Variants in DHX57 observed in about 807,000 individuals in gnomAD.
DHX57 encodes putative ATP-dependent RNA helicase DHX57.
DHX57 carries 105 observed loss-of-function variants against 156.2 expected under a neutral mutation model. The ratio of observed to expected loss-of-function variants is 0.67; its 90% CI spans 0.57 to 0.79. The LOEUF (loss-of-function observed/expected upper bound fraction) is 0.79. DHX57 is among the 30% of genes least tolerant of loss of function. DHX57 has a pLI of 0.00. For missense variants in DHX57, 1,847 were observed against 1,661.9 expected, an observed-to-expected ratio of 1.11 and a Z score of -1.94; for synonymous variants, 704 against 595.6, an observed-to-expected ratio of 1.18 and a Z score of -2.65.
At position 38,803,784 on chromosome 2, in the gene DHX57, C is replaced by A. The variant is rs200787988; in HGVS notation, c.3817-869G>T. 2.4e-4 allele frequency among the ~76,000 whole-genome samples: 25 copies of A among 104,702 alleles called. No homozygotes were observed. In the East Asian group the frequency reaches 0.011, roughly 46 times the overall value. 68.7% of individuals were successfully genotyped at this position (104,702 alleles called of 152,430 possible). On this transcript the variant is annotated intron_variant, in intron 22 of 23. Transcript: ENST00000457308. ...GATTACAGGTGTGAGTCACCACACC[C>A]AGCCTTTTTTTTTTTGAGATGCAGT... is the stretch of plus-strand genomic sequence containing the variant.
intron 9 of DHX57, among the ~76,000 whole-genome samples, chr2:38,851,807 A>G (rs1213872243): frequency 6.6e-6 from 1 of 152,214 alleles, no homozygotes; most frequent in Non-Finnish European, 1.5e-5. Flanking sequence ...AATCATTTAA[A>G]TACCATTAAT....
At chr2:38,864,067 C>A (rs1226843297) in intron 2 of DHX57, among the ~76,000 whole-genome samples, 1 of 151,600 alleles carries the variant, frequency 6.6e-6, no homozygotes, top group Non-Finnish European at 1.5e-5. Flanking sequence ...TCTGGCTTCA[C>A]TAACTCAAGA....
chr2:38,856,343 G>C lies in DHX57; in HGVS notation c.1706C>G (p.Thr569Ser). 1 of 1,609,570 alleles carries C rather than the reference G, an allele frequency of 6.2e-7. No homozygotes were observed. Among genetic ancestry groups the C allele is most frequent in the Non-Finnish European group, 8.5e-7 (1 of 1,178,892 alleles). The change falls in exon 7 of 24, where the codon ACT becomes AGT. Residue 569 changes from threonine to serine, a missense_variant. Coordinates refer to ENST00000457308, the MANE Select transcript of DHX57 (RefSeq NM_198963.3). ...GATGAATAAACTGCATTCTTACCCAGTCATACCACTTATGACAACCACCTG... is the reference window on the plus strand; with the variant it reads ...GATGAATAAACTGCATTCTTACCCACTCATACCACTTATGACAACCACCTG... ...KHQVVVISGM[T>S]GCGKTTQIPQ...
intron 13 of DHX57, among the ~76,000 whole-genome samples, chr2:38,832,518 T>C (rs571221313): frequency 1.3e-5 from 2 of 149,400 alleles, no homozygotes; most frequent in East Asian, 2.0e-4. Flanking sequence ...AAGTTCTTTA[T>C]GATCACATAG....
chr2:38,816,118 C>G (rs934290400), intron 19 of DHX57: 8 of 471,306 alleles, frequency 1.7e-5, no homozygotes, highest in Non-Finnish European at 2.6e-5. Flanking sequence ...GGTTCGTGCT[C>G]TCAGTGGAAC....
At chr2:38,872,479 C>G (rs1180075143) in intron 1 of DHX57, among the ~76,000 whole-genome samples, 1 of 152,168 alleles carries the variant, frequency 6.6e-6, no homozygotes, top group Admixed American at 6.5e-5. Context: ...TATATTCTGT[C>G]TGCAGGAGAG....
In DHX57 at chr2:38,856,413, C is replaced by T; in HGVS notation, c.1636G>A (p.Ala546Thr). ...SILQERQSLP[A>T]WEERETILNL... is the part of the protein sequence containing the mutation. ...AGAATGGTTTCTCTTTCTTCCCAAG[C>T]AGGGAGTGATTGCCTCTCTTGCAGA... Residue 546 changes from alanine to threonine, a missense_variant, in exon 7 of 24, where the codon GCT becomes ACT. Coordinates refer to ENST00000457308, the MANE Select transcript of DHX57 (RefSeq NM_198963.3). The T allele has an allele frequency of 6.2e-7, 1 of 1,613,844 alleles. No homozygotes were observed. The highest frequency in any genetic ancestry group is 8.5e-7 in the Non-Finnish European group (1 of 1,179,994).
chr2:38,863,603 A>C (rs1437770111), intron 2 of DHX57, 84 bp from the exon 3 acceptor site: 10 of 1,242,696 alleles, frequency 8.0e-6, no homozygotes, highest in Non-Finnish European at 8.9e-6. Flanking sequence ...AGATATACAC[A>C]ATACAAACTG....
Position 38,848,408 on chromosome 2 carries a change from G to GA in DHX57, c.2031-7dup. On this transcript the variant is annotated splice_polypyrimidine_tract_variant and splice_region_variant and intron_variant, in intron 9 of 23. Coordinates refer to ENST00000457308, the MANE Select transcript of DHX57 (RefSeq NM_198963.3). ...AAACTAGCAGCAAGAAGTCACTAGA[G>GA]AAAATAAAAGAAACACCTGAGGATC... The GA allele has an allele frequency of 6.4e-7, 1 of 1,574,168 alleles. No individual in the cohort carries two copies. Among genetic ancestry groups the GA allele is most frequent in the Non-Finnish European group, 8.6e-7 (1 of 1,165,602 alleles).
chr2:38,843,452 T>C (rs975508374), intron 11 of DHX57, among the ~76,000 whole-genome samples: 1 of 152,208 alleles, frequency 6.6e-6, no homozygotes, highest in African/African-American at 2.4e-5. Flanking sequence ...CCAGGAATAA[T>C]GGCATGGACA....
intron 5 of DHX57, among the ~76,000 whole-genome samples, chr2:38,859,626 T>C (rs1044130150): frequency 6.6e-6 from 1 of 152,176 alleles, no homozygotes; most frequent in Non-Finnish European, 1.5e-5. Context: ...TTGAATCCCA[T>C]GCGCTAGAAG....
intron 4 of DHX57, 34 bp downstream of exon 4, chr2:38,862,110 CT>C (rs2124932906): frequency 1.3e-6 from 2 of 1,546,054 alleles, no homozygotes; most frequent in East Asian, 4.6e-5. Flanking sequence ...TCCTTGAATT[CT>C]TTCCCAACTC....
chr2:38,837,934 T>G lies in DHX57; in HGVS notation c.2439A>C (p.Ser813=), dbSNP rs758203587. The change falls in exon 13 of 24, where the codon TCA becomes TCC. Residue 813 remains serine (S), a synonymous_variant. Coordinates refer to ENST00000457308, the MANE Select transcript of DHX57 (RefSeq NM_198963.3). ...LLARYKGVSK[S]VIKTMSIMDF... ...CCATGATGGACATTGTTTTGATGAC[T>G]GACTTGCTAACCCCTGAAAGAAAGA... 6.2e-7 allele frequency: 1 copy of G among 1,610,430 alleles called. No individual in the cohort carries two copies. Among genetic ancestry groups the G allele is most frequent in the East Asian group, 2.2e-5 (1 of 44,844 alleles).
At chr2:38,847,170 G>A (rs1454201124) in intron 10 of DHX57, 97 bp from the exon 11 acceptor site, 12 of 952,402 alleles carry the variant, frequency 1.3e-5, no homozygotes, top group East Asian at 8.2e-5. Context: ...AGCTTGTCAT[G>A]CTAACGTCCT....
intron 21 of DHX57, among the ~76,000 whole-genome samples, chr2:38,810,144 C>T (rs886575525): frequency 6.6e-6 from 1 of 151,740 alleles, no homozygotes; most frequent in African/African-American, 2.4e-5. Context: ...ATCTGCCCAC[C>T]TCGGTCTCCC....
intron 13 of DHX57, among the ~76,000 whole-genome samples, 165 bp downstream of exon 13, chr2:38,837,666 G>A (rs941885743): frequency 2.2e-5 from 3 of 138,932 alleles, no homozygotes; most frequent in Non-Finnish European, 4.7e-5. Flanking sequence ...CTGAATAGCA[G>A]AGCTGGGAAG....
At position 38,861,619 on chromosome 2, in the gene DHX57, A is replaced by G. The variant is rs141972132; in HGVS notation, c.791T>C (p.Ile264Thr). 439 of 1,614,178 alleles carry G rather than the reference A, an allele frequency of 2.7e-4. No homozygotes were observed. Among genetic ancestry groups the G allele is most frequent in the Admixed American group, 7.3e-4 (44 of 60,016 alleles). ...CCAGACTCTGTTCTGAATTCTTTCT[A>G]TAAATTTTTCTCCACAGATGGACTT... is the stretch of plus-strand genomic sequence containing the variant. ...ALKSICGEKF[I>T]ERIQNRVWTI... The change falls in exon 5 of 24, where the codon ATA becomes ACA. Residue 264 changes from isoleucine to threonine, a missense_variant. By Grantham distance (89) the Ile-to-Thr change is moderately conservative. Coordinates refer to ENST00000457308, the MANE Select transcript of DHX57 (RefSeq NM_198963.3).
At chr2:38,869,981 T>A (rs922482910) in intron 1 of DHX57, among the ~76,000 whole-genome samples, 10 of 152,080 alleles carry the variant, frequency 6.6e-5, no homozygotes, top group African/African-American at 2.4e-4. Context: ...TCATATCAAA[T>A]TGAGAACATC....
Position 38,824,793 on chromosome 2 carries a change from G to A in DHX57, c.3014+1054C>T, listed in dbSNP as rs537354469. Among the ~76,000 whole-genome samples the A allele has an allele frequency of 1.2e-4, 19 of 152,150 alleles. No homozygotes were observed. In the South Asian group the frequency reaches 2.1e-3, roughly 17 times the overall value. ...CTCCTAAGAAACTGGGATTACAGGC[G>A]TGCGCCACTATACCTGGCTAATTTT... On this transcript the variant is annotated intron_variant, in intron 16 of 23. Transcript: ENST00000457308.
Sources: gnomAD v4.1 joint callset for allele counts (sites outside exome capture counted in the v4.1 genomes callset) on GRCh38, gnomAD v4.1.1 for gene constraint, MANE v1.5 for transcripts, NCBI Gene and HGNC (gene_info 2026-07-23, HGNC 2026-07-21) for gene names.